Variants in DCC observed in about 807,000 individuals in gnomAD.
DCC encodes DCC netrin 1 receptor, also known as netrin receptor DCC.
In DCC, 58 loss-of-function variants were observed where a neutral mutation model predicts 172.5. The observed-to-expected ratio is 0.34, with a 90% CI of 0.27 to 0.42. The LOEUF is 0.42. Ranked by LOEUF, DCC falls within the 10% of genes least tolerant of loss-of-function variation. The pLI is 1.00. For missense variants in DCC, 1,740 were observed against 1,791.0 expected (o/e 0.97, Z 0.51); for synonymous variants, 709 against 644.5 (o/e 1.10, Z -1.52).
intron 1 of DCC, among the ~76,000 whole-genome samples, chr18:52,712,478 G>A (rs2036309836): frequency 6.6e-6 from 1 of 152,134 alleles, no homozygotes; most frequent in Non-Finnish European, 1.5e-5. Flanking sequence ...TGAGATATAT[G>A]TTATACCATT....
At chr18:52,736,819 C>T (rs1321480729) in intron 1 of DCC, among the ~76,000 whole-genome samples, 3 of 151,902 alleles carry the variant, frequency 2.0e-5, no homozygotes, top group African/African-American at 7.3e-5. Flanking sequence ...ACAAGTGGGG[C>T]AGAACAAGAG....
At chr18:52,779,019 CAG>C in intron 2 of DCC, among the ~76,000 whole-genome samples, 1 of 152,302 alleles carries the variant, frequency 6.6e-6, no homozygotes, top group East Asian at 1.9e-4. Context: ...CATTCTGCAT[CAG>C]TGTTCTATAT....
At chr18:52,768,471 A>G (rs1369475234) in intron 2 of DCC, among the ~76,000 whole-genome samples, 2 of 152,296 alleles carry the variant, frequency 1.3e-5, no homozygotes, top group South Asian at 4.1e-4. Context: ...TGTAGAAAGC[A>G]AAGAGCTCTG....
intron 1 of DCC, among the ~76,000 whole-genome samples, chr18:52,361,494 A>G (rs2144270508): frequency 6.6e-6 from 1 of 152,338 alleles, no homozygotes. Context: ...AATTGTCTCT[A>G]TAAGACAGAT....
At chr18:53,439,874 C>G (rs1394117011) in intron 22 of DCC, among the ~76,000 whole-genome samples, 1 of 148,554 alleles carries the variant, frequency 6.7e-6, no homozygotes, top group Non-Finnish European at 1.5e-5. Context: ...ACGCCATTCT[C>G]CTGCCTCAGC....
At chr18:52,371,430 A>G (rs1406865187) in intron 1 of DCC, among the ~76,000 whole-genome samples, 1 of 152,246 alleles carries the variant, frequency 6.6e-6, no homozygotes, top group Non-Finnish European at 1.5e-5. Context: ...TAAGTAAGGA[A>G]AAACCCTGGA....
In DCC at chr18:52,857,396, G is replaced by GA. The variant is rs551306097; in HGVS notation, c.413-48641dup. 5.0e-4 allele frequency among the ~76,000 whole-genome samples: 76 copies of GA among 152,042 alleles called. 4 individuals carry two copies. The South Asian group carries it at 0.015, about 31-fold the overall frequency. ...GAGAAAGATGGTCCACTTAACTAGG[G>GA]AAAAAAAGTTTCATTTTAGTGCAGT... On this transcript the variant is annotated intron_variant, in intron 2 of 28. Coordinates refer to ENST00000442544, the MANE Select transcript of DCC (RefSeq NM_005215.4).
chr18:52,871,428 G>A (rs1055242456), intron 2 of DCC, among the ~76,000 whole-genome samples: 3 of 152,084 alleles, frequency 2.0e-5, no homozygotes, highest in African/African-American at 7.2e-5. Flanking sequence ...ACTTATGGGG[G>A]TTTTAGGCTC....
At chr18:52,512,884 A>G (rs182588016) in intron 1 of DCC, among the ~76,000 whole-genome samples, 13 of 152,096 alleles carry the variant, frequency 8.5e-5, no homozygotes, top group Non-Finnish European at 1.8e-4. Context: ...AATATGAAAA[A>G]CCCTGAAGCA....
At chr18:53,528,579 T>A (rs1170489713) in intron 28 of DCC, among the ~76,000 whole-genome samples, 2 of 151,930 alleles carry the variant, frequency 1.3e-5, no homozygotes, top group Non-Finnish European at 2.9e-5. Flanking sequence ...TTAAAAGCAG[T>A]AAGAAACACA....
intron 2 of DCC, among the ~76,000 whole-genome samples, chr18:52,898,881 G>T (rs184029705): frequency 6.6e-6 from 1 of 152,318 alleles, no homozygotes; most frequent in East Asian, 1.9e-4. Context: ...TCCCAGCTGG[G>T]TGAGGGGCTG....
At chr18:52,353,932 A>G (rs568974827) in intron 1 of DCC, among the ~76,000 whole-genome samples, 1 of 152,318 alleles carries the variant, frequency 6.6e-6, no homozygotes, top group East Asian at 1.9e-4. Context: ...GTAAAATTCT[A>G]TTTATAGAGG....
chr18:53,324,106 A>G (rs545472262), intron 14 of DCC, among the ~76,000 whole-genome samples: 1 of 152,342 alleles, frequency 6.6e-6, no homozygotes, highest in African/African-American at 2.4e-5. Context: ...GCATGCACAC[A>G]CAAAAAAGTA....
intron 15 of DCC, among the ~76,000 whole-genome samples, chr18:53,381,585 ACAT>A (rs1907745955): frequency 3.2e-5 from 2 of 62,688 alleles, no homozygotes; most frequent in Non-Finnish European, 6.0e-5. Context: ...CCACCTTACC[ACAT>A]CATATAAAGT....
At chr18:52,654,556 GC>G (rs1453644552) in intron 1 of DCC, among the ~76,000 whole-genome samples, 1 of 152,090 alleles carries the variant, frequency 6.6e-6, no homozygotes, top group African/African-American at 2.4e-5. Context: ...TCCTCACAGG[GC>G]CTTTTTGTGT....
intron 5 of DCC, among the ~76,000 whole-genome samples, chr18:53,015,061 G>A (rs2041789739): frequency 6.6e-6 from 1 of 152,134 alleles, no homozygotes. Flanking sequence ...AATTCCCTTA[G>A]AAGTTTGATA....
At chr18:53,508,394 T>C (rs1276411736) in intron 27 of DCC, among the ~76,000 whole-genome samples, 1 of 151,588 alleles carries the variant, frequency 6.6e-6, no homozygotes, top group African/African-American at 2.4e-5. Context: ...GGTTTTGTTA[T>C]GTTGTCCAGG....
intron 3 of DCC, among the ~76,000 whole-genome samples, chr18:52,907,279 G>A (rs1013755289): frequency 7.6e-6 from 1 of 131,012 alleles, no homozygotes; most frequent in South Asian, 2.4e-4. Flanking sequence ...TACATGATAT[G>A]TCATGGATAT....
At chr18:52,661,090 T>C (rs114320131) in intron 1 of DCC, among the ~76,000 whole-genome samples, 1,977 of 152,236 alleles carry the variant, frequency 0.013, 54 homozygotes, top group African/African-American at 0.045. Context: ...AATTTTGGAA[T>C]TCTGAAAGGT....
Sources: allele counts gnomAD v4.1 joint callset (sites outside exome capture counted in the v4.1 genomes callset), GRCh38; gene constraint gnomAD v4.1.1; transcripts MANE v1.5; gene names NCBI Gene and HGNC (gene_info 2026-07-23, HGNC 2026-07-21).